The following ANKRD36 variants were observed in gnomAD, a reference collection of about 807,000 sequenced individuals.
ANKRD36 encodes ankyrin repeat domain-containing protein 36A.
In ANKRD36, 179 loss-of-function variants were observed where a neutral mutation model predicts 278.1. The observed-to-expected ratio is 0.64, with a 90% CI of 0.57 to 0.73. The LOEUF is 0.73. Among genes scored for constraint, ANKRD36 ranks in the 30% least tolerant of loss-of-function variants. ANKRD36 has a pLI of 0.00. For synonymous variants in ANKRD36, 320 were observed against 641.1 expected (o/e 0.50, Z 7.57); for missense variants, 1,159 against 1,956.7 (o/e 0.59, Z 7.69).
intron 66 of ANKRD36, among the ~76,000 whole-genome samples, chr2:97,224,462 T>C (rs1380345561): frequency 3.3e-5 from 5 of 151,604 alleles, no homozygotes; most frequent in Middle Eastern, 6.3e-3. Flanking sequence ...GTTTTTTTTT[T>C]TTTGAGACAC....
chr2:97,190,883 A>G, intron 34 of ANKRD36, 95 bp from the exon 35 acceptor site: 5 of 1,534,488 alleles, frequency 3.3e-6, no homozygotes, highest in Non-Finnish European at 4.4e-6. Context: ...TAGTACAGGC[A>G]GAAGGATACA....
chr2:97,208,321 G>T (rs1223516940), intron 54 of ANKRD36, among the ~76,000 whole-genome samples: 1 of 146,676 alleles, frequency 6.8e-6, no homozygotes, highest in Admixed American at 6.8e-5. Context: ...AGGGTGGAAG[G>T]AGAAAGAGAG....
intron 56 of ANKRD36, among the ~76,000 whole-genome samples, chr2:97,210,271 C>T (rs1229912293): frequency 2.0e-5 from 3 of 151,788 alleles, no homozygotes; most frequent in Non-Finnish European, 4.4e-5. Context: ...AACCCGTGTA[C>T]AGTGTAGGAG....
At chr2:97,194,150 G>A (rs972247321) in intron 38 of ANKRD36, among the ~76,000 whole-genome samples, 8 of 151,718 alleles carry the variant, frequency 5.3e-5, no homozygotes, top group African/African-American at 1.4e-4. Context: ...ATGGGTGTGA[G>A]GGATAATGAA....
intron 6 of ANKRD36, among the ~76,000 whole-genome samples, chr2:97,128,852 A>G (rs2039308602): frequency 6.6e-6 from 1 of 152,104 alleles, no homozygotes; most frequent in Non-Finnish European, 1.5e-5. Context: ...AAGCACATAC[A>G]TCCCAACTCC....
intron 46 of ANKRD36, among the ~76,000 whole-genome samples, 180 bp downstream of exon 46, chr2:97,200,705 T>C (rs113485946): frequency 0.069 from 10,389 of 151,624 alleles, 503 homozygotes; most frequent in Middle Eastern, 0.17. Flanking sequence ...TGATCTTCGC[T>C]GTAAGATTAT....
chr2:97,260,179 G>A, intron 75 of ANKRD36, among the ~76,000 whole-genome samples: 1 of 82,192 alleles, frequency 1.2e-5, no homozygotes, highest in Non-Finnish European at 2.2e-5. Flanking sequence ...GTCTATGGCA[G>A]GTATAGGCTT....
chr2:97,172,242 G>A (rs1341376176), intron 22 of ANKRD36, among the ~76,000 whole-genome samples: 2 of 151,766 alleles, frequency 1.3e-5, no homozygotes, highest in South Asian at 2.1e-4. Flanking sequence ...AAAAGTTCAG[G>A]CAGTGCACTT....
intron 67 of ANKRD36, among the ~76,000 whole-genome samples, chr2:97,227,142 G>C (rs1300095874): frequency 6.6e-6 from 1 of 152,102 alleles, no homozygotes; most frequent in African/African-American, 2.4e-5. Flanking sequence ...CTTTAAAGTA[G>C]TTTTTTCCAA....
At chr2:97,202,005 G>T (rs185414162) in intron 46 of ANKRD36, among the ~76,000 whole-genome samples, 197 bp from the exon 47 acceptor site, 1 of 151,836 alleles carries the variant, frequency 6.6e-6, no homozygotes, top group South Asian at 2.1e-4. Context: ...AATTGTAAGG[G>T]TATATTTCAT....
intron 6 of ANKRD36, among the ~76,000 whole-genome samples, chr2:97,128,595 T>C (rs1428645058): frequency 1.3e-5 from 2 of 152,060 alleles, no homozygotes; most frequent in Admixed American, 1.3e-4. Flanking sequence ...ACCAAGATCC[T>C]GTGTAACCCT....
rs757363468 is a variant in ANKRD36, at chr2:97,187,430, T to C, written c.2143+29T>C. ...ATTTTGCAAAACACATTCAATGTCA[T>C]GTTCAATCCAGATAGAAAAGAACTT... On this transcript the variant is annotated intron_variant, in intron 32 of 75. Transcript: ENST00000420699. 5.8e-6 allele frequency: 8 copies of C among 1,386,648 alleles called. No individual in the cohort carries two copies. The Admixed American group carries it at 6.0e-5, about 10-fold the overall frequency. The allele number at this position is 1,386,648 out of a possible 1,614,324, so 85.9% of individuals were successfully genotyped here. A position where few individuals can be genotyped will look rare whatever the true frequency, so the allele number is the denominator to read the frequency against.
At chr2:97,202,455 C>T (rs1311628378) in intron 48 of ANKRD36, 62 bp downstream of exon 48, 16 of 1,536,476 alleles carry the variant, frequency 1.0e-5, no homozygotes, top group Middle Eastern at 1.7e-4. Flanking sequence ...TTCTCTTCCC[C>T]AAATAAATCA....
At chr2:97,207,643 T>C (rs1218295530) in intron 52 of ANKRD36, among the ~76,000 whole-genome samples, 168 bp from the exon 53 acceptor site, 1 of 151,600 alleles carries the variant, frequency 6.6e-6, no homozygotes, top group African/African-American at 2.4e-5. Context: ...TATTCCATTT[T>C]CTCAGCGTAT....
chr2:97,206,839 A>T (rs1215138552), intron 52 of ANKRD36, among the ~76,000 whole-genome samples: 3 of 151,634 alleles, frequency 2.0e-5, no homozygotes, highest in Non-Finnish European at 3.0e-5. Context: ...GATTTTAGGT[A>T]TAGAAATCAG....
intron 67 of ANKRD36, among the ~76,000 whole-genome samples, chr2:97,231,345 C>G (rs1179798731): frequency 6.6e-6 from 1 of 152,170 alleles, no homozygotes; most frequent in African/African-American, 2.4e-5. Context: ...ATGGCAGGTG[C>G]CCCTCCCCCA....
At chr2:97,185,385 T>C (rs1267647434) in intron 29 of ANKRD36, 41 bp downstream of exon 29, 1 of 1,608,974 alleles carries the variant, frequency 6.2e-7, no homozygotes, top group South Asian at 1.1e-5. Context: ...AGTAACTGTA[T>C]AGTCCATGAA....
At chr2:97,157,656 TA>T (rs2047825481) in intron 15 of ANKRD36, among the ~76,000 whole-genome samples, 1 of 144,806 alleles carries the variant, frequency 6.9e-6, no homozygotes, top group African/African-American at 2.6e-5. Context: ...TTACACTGTT[TA>T]AAGATAGTAC....
At chr2:97,207,669 G>C (rs1558787432) in intron 52 of ANKRD36, 142 bp from the exon 53 acceptor site, 3 of 1,349,524 alleles carry the variant, frequency 2.2e-6, no homozygotes, top group South Asian at 1.3e-5. Context: ...TCATGTTCTA[G>C]TCCCCAGACA....
Sources: allele counts gnomAD v4.1 joint callset (sites outside exome capture counted in the v4.1 genomes callset), GRCh38; gene constraint gnomAD v4.1.1; transcripts MANE v1.5; gene names NCBI Gene and HGNC (gene_info 2026-07-23, HGNC 2026-07-21).